The following SANBR variants were observed in gnomAD, a reference collection of about 807,000 sequenced individuals.
SANBR encodes the protein SANT and BTB domain regulator of class switch recombination.
A neutral mutation model predicts 101.8 loss-of-function variants in SANBR; 77 were observed. The ratio of observed to expected loss-of-function variants is 0.76; its 90% CI spans 0.63 to 0.91. The LOEUF (loss-of-function observed/expected upper bound fraction) is 0.91, where lower values mean the gene tolerates loss of function less well. Ranked by LOEUF, SANBR falls within the 40% of genes least tolerant of loss-of-function variation. The probability of loss-of-function intolerance (pLI) is 0.00; values close to 1 mark genes in which losing one functional copy is unlikely to be tolerated. For missense variants in SANBR, 875 were observed against 853.0 expected, an observed-to-expected ratio of 1.03 and a Z score of -0.32; for synonymous variants, 279 against 274.7, an observed-to-expected ratio of 1.02 and a Z score of -0.15.
At chr2:61,082,114 C>G (rs539616145) in intron 7 of SANBR, among the ~76,000 whole-genome samples, 114 of 152,202 alleles carry the variant, frequency 7.5e-4, no homozygotes, top group African/African-American at 2.7e-3. Flanking sequence ...TCAAGTGATC[C>G]TCCTGCCTCG....
intron 7 of SANBR, among the ~76,000 whole-genome samples, chr2:61,081,951 A>G (rs1165822034): frequency 6.6e-6 from 1 of 151,836 alleles, no homozygotes; most frequent in African/African-American, 2.4e-5. Flanking sequence ...ACCCAGCCAG[A>G]ATACTCCTTT....
Position 61,122,422 on chromosome 2 carries a change from A to G in SANBR, c.*260A>G. ...AAAGCAATTATTTACAAATTTGCATAGTTGAGACTCCCAGTGTTTTCCTTT... is the reference window on the plus strand; with the variant it reads ...AAAGCAATTATTTACAAATTTGCATGGTTGAGACTCCCAGTGTTTTCCTTT... On this transcript the variant is annotated 3_prime_UTR_variant, in exon 22 of 22. Transcript: ENST00000402291. The G allele has an allele frequency of 8.4e-7, 1 of 1,188,314 alleles. No homozygotes were observed. The allele number at this position is 1,188,314 out of a possible 1,614,324, so 73.6% of individuals were successfully genotyped here.
chr2:61,119,650 G>A (rs780415528), intron 20 of SANBR, among the ~76,000 whole-genome samples: 1 of 152,012 alleles, frequency 6.6e-6, no homozygotes, highest in Admixed American at 6.6e-5. Flanking sequence ...TAGTCCTTAG[G>A]GAAATGTAAA....
In SANBR at chr2:61,077,046, C is replaced by T. The variant is rs1362046518; in HGVS notation, c.558C>T (p.Arg186=). 1 of 1,614,014 alleles carries T rather than the reference C, an allele frequency of 6.2e-7. No individual in the cohort carries two copies. The highest frequency in any genetic ancestry group is 8.5e-7 in the Non-Finnish European group (1 of 1,179,940). Residue 186 remains arginine (R), a synonymous_variant, in exon 6 of 22, where the codon CGC becomes CGT. Transcript: ENST00000402291. ...AATATTTATCTATGGATGCCCAGCGCTGGGAAGAGGTGGACATTTCAGTTC... is the reference window on the plus strand; with the variant it reads ...AATATTTATCTATGGATGCCCAGCGTTGGGAAGAGGTGGACATTTCAGTTC... ...FAEYLSMDAQ[R]WEEVDISVHC...
At chr2:61,107,380 G>GA (rs1468960917) in intron 14 of SANBR, among the ~76,000 whole-genome samples, 1 of 152,094 alleles carries the variant, frequency 6.6e-6, no homozygotes, top group Non-Finnish European at 1.5e-5. Flanking sequence ...GACAGAGTGA[G>GA]ACCCTGTCTC....
chr2:61,072,225 T>C (rs1258034484), intron 4 of SANBR, among the ~76,000 whole-genome samples: 4 of 152,144 alleles, frequency 2.6e-5, no homozygotes, highest in African/African-American at 9.7e-5. Context: ...AGACGTGAGC[T>C]ACTGCACCTG....
At position 61,131,052 on chromosome 2, in the gene SANBR, C is replaced by A. The variant is rs569851753; in HGVS notation, c.2029-3085C>A. Among the ~76,000 whole-genome samples the A allele has an allele frequency of 1.4e-4, 21 of 150,818 alleles. No homozygotes were observed. The South Asian group carries it at 3.6e-3, about 26-fold the overall frequency. Reference sequence around the variant, plus strand: ...ACATTAACAACATAGAAGGGAACTTCCTCAACTTGATAAAGGACATCTACA... The same window carrying A: ...ACATTAACAACATAGAAGGGAACTTACTCAACTTGATAAAGGACATCTACA... On this transcript the variant is annotated intron_variant, in intron 20 of 21. Coordinates refer to the SANBR transcript ENST00000295031.
At chr2:61,121,124 T>G (rs753048008) in intron 20 of SANBR, 61 bp from the exon 21 acceptor site, 43 of 1,173,468 alleles carry the variant, frequency 3.7e-5, no homozygotes, top group Non-Finnish European at 5.1e-5. Flanking sequence ...AATCCCATTT[T>G]AATAAAGCAG....
intron 4 of SANBR, 23 bp from the exon 5 acceptor site, chr2:61,073,434 TA>T: frequency 8.5e-7 from 1 of 1,171,808 alleles, no homozygotes; most frequent in Admixed American, 2.3e-5. Context: ...TTTTTTTTTG[TA>T]TGTGTTTGTT....
Position 61,115,964 on chromosome 2 carries a change from T to C in SANBR, c.1745-15T>C. On this transcript the variant is annotated splice_polypyrimidine_tract_variant and intron_variant, in intron 16 of 21. Transcript: ENST00000402291. Reference sequence around the variant, plus strand: ...TATGGGGCCTAAGTTTATAACATTGTCTTCTCATTATCAGGGAAAAAGGAG... The same window carrying C: ...TATGGGGCCTAAGTTTATAACATTGCCTTCTCATTATCAGGGAAAAAGGAG... The C allele has an allele frequency of 6.4e-7, 1 of 1,554,282 alleles. No homozygotes were observed. The highest frequency in any genetic ancestry group is 8.8e-7 in the Non-Finnish European group (1 of 1,133,232).
At chr2:61,135,311 T>G (rs1684811215) in intron 21 of SANBR, among the ~76,000 whole-genome samples, 2 of 152,222 alleles carry the variant, frequency 1.3e-5, no homozygotes, top group Admixed American at 6.5e-5. Flanking sequence ...GTGTATTCAT[T>G]TTTAGCCATG....
At chr2:61,117,312 T>C in intron 17 of SANBR, 45 bp from the exon 18 acceptor site, 1 of 1,566,960 alleles carries the variant, frequency 6.4e-7, no homozygotes, top group Non-Finnish European at 8.8e-7. Context: ...CACTAATCAG[T>C]AAACATGTTC....
At position 61,066,459 on chromosome 2, in the gene SANBR, G is replaced by C. The variant is rs1681169780; in HGVS notation, c.-147+432G>C. On this transcript the variant is annotated intron_variant, in intron 1 of 21. Transcript: ENST00000402291. ...CGCGTAGTGAGCCTCCGGGCCCAAG[G>C]TTTGACTGGCTTTGACCTCATGCCG... The C allele has an allele frequency of 4.6e-5, 7 of 152,640 alleles. No homozygotes were observed. In the South Asian group the frequency reaches 1.4e-3, roughly 32 times the overall value. 9.5% of individuals were successfully genotyped at this position (152,640 alleles called of 1,614,324 possible).
At chr2:61,071,879 T>C (rs1017057311) in intron 4 of SANBR, 87 bp downstream of exon 4, 1 of 815,440 alleles carries the variant, frequency 1.2e-6, no homozygotes, top group Admixed American at 2.8e-5. Flanking sequence ...CTTTCTTTGT[T>C]TAAAGGCTAA....
rs1452605799 is a variant in SANBR, at chr2:61,094,635, CT to C, written c.1212+2050del. Among the ~76,000 whole-genome samples the C allele has an allele frequency of 5.3e-5, 6 of 114,028 alleles. No individual in the cohort carries two copies. In the South Asian group the frequency reaches 1.6e-3, roughly 30 times the overall value. The allele number at this position is 114,028 out of a possible 152,430, so 74.8% of individuals were successfully genotyped here. A position where few individuals can be genotyped will look rare whatever the true frequency, so the allele number is the denominator to read the frequency against. Reference sequence around the variant, plus strand: ...ATTTCTCTTGGATGTATTTATTTCTCTTCTTTTTTTTTTTTTTTTTTTTTTG... The same window carrying C: ...ATTTCTCTTGGATGTATTTATTTCTCTCTTTTTTTTTTTTTTTTTTTTTTG... On this transcript the variant is annotated intron_variant, in intron 11 of 21. Coordinates refer to ENST00000402291, the MANE Select transcript of SANBR (RefSeq NM_001129993.3).
Position 61,123,531 on chromosome 2 carries a change from G to T in SANBR, c.*1369G>T. The T allele has an allele frequency of 3.1e-6, 3 of 966,422 alleles. No homozygotes were observed. Among genetic ancestry groups the T allele is most frequent in the African/African-American group, 1.8e-5 (1 of 56,814 alleles). The allele number at this position is 966,422 out of a possible 1,614,324, so 59.9% of individuals were successfully genotyped here. On this transcript the variant is annotated 3_prime_UTR_variant, in exon 22 of 22. Transcript: ENST00000402291. ...ACTGTGGAAATAGACTTTTATTTTC[G>T]AAAGAAAATGTCTTGTAGTACATAT... is the stretch of plus-strand genomic sequence containing the variant.
Position 61,077,062 on chromosome 2 carries a change from A to G in SANBR, c.574A>G (p.Ile192Val). ...MDAQRWEEVD[I>V]SVHCDVHIFN... ...TGCCCAGCGCTGGGAAGAGGTGGAC[A>G]TTTCAGTTCATTGCGACGTTCACAT... Residue 192 changes from isoleucine to valine, a missense_variant, in exon 6 of 22, where the codon ATT becomes GTT. Transcript: ENST00000402291. 5.0e-6 allele frequency: 8 copies of G among 1,614,128 alleles called. No individual in the cohort carries two copies. The highest frequency in any genetic ancestry group is 1.1e-5 in the South Asian group (1 of 91,080).
intron 11 of SANBR, among the ~76,000 whole-genome samples, chr2:61,095,877 C>A (rs57119817): frequency 6.6e-6 from 1 of 152,162 alleles, no homozygotes; most frequent in Non-Finnish European, 1.5e-5. Flanking sequence ...TTCACCTTTT[C>A]TGGTCCTTTC....
chr2:61,120,314 A>G lies in SANBR; in HGVS notation c.2029-871A>G, dbSNP rs535199515. On this transcript the variant is annotated intron_variant, in intron 20 of 21. Transcript: ENST00000402291. ...TCAAGAGATCAAGACCATCTGGCCAACATGGTGAAACCCCGTCTCCACTAA... is the reference window on the plus strand; with the variant it reads ...TCAAGAGATCAAGACCATCTGGCCAGCATGGTGAAACCCCGTCTCCACTAA... 2.6e-5 allele frequency among the ~76,000 whole-genome samples: 4 copies of G among 152,318 alleles called. No individual in the cohort carries two copies. The South Asian group carries it at 6.2e-4, about 24-fold the overall frequency.
Sources: allele counts gnomAD v4.1 joint callset (sites outside exome capture counted in the v4.1 genomes callset), GRCh38; gene constraint gnomAD v4.1.1; transcripts MANE v1.5; gene names NCBI Gene and HGNC (gene_info 2026-07-23, HGNC 2026-07-21).